SYNE1: variants seen among roughly 807,000 people sequenced by gnomAD.
The protein encoded by SYNE1 is spectrin repeat containing nuclear envelope protein 1, also known as nesprin-1.
In SYNE1, 616 loss-of-function variants were observed where a neutral mutation model predicts 1,111.0. That is an observed-to-expected ratio of 0.55 (90% confidence interval 0.52 to 0.59). SYNE1 has a LOEUF of 0.59. Among genes scored for constraint, SYNE1 ranks in the 20% least tolerant of loss-of-function variants. The pLI, the probability that SYNE1 is intolerant of heterozygous loss-of-function variation, is 0.00. For synonymous variants in SYNE1, 3,855 were observed against 3,825.8 expected (o/e 1.01, Z -0.28); for missense variants, 10,006 against 10,417.0 (o/e 0.96, Z 1.72).
At chr6:152,223,587 C>T (rs910554539) in intron 117 of SYNE1, among the ~76,000 whole-genome samples, 14 of 150,928 alleles carry the variant, frequency 9.3e-5, no homozygotes, top group African/African-American at 3.4e-4. Context: ...CACTGCACTC[C>T]AGTCTGGGCG....
chr6:152,227,506 T>A (rs2081869213), intron 115 of SYNE1, among the ~76,000 whole-genome samples: 2 of 152,316 alleles, frequency 1.3e-5, no homozygotes. Flanking sequence ...TTGTCACTAT[T>A]TTGACAGCTT....
intron 2 of SYNE1, among the ~76,000 whole-genome samples, chr6:152,629,208 A>AGTTTTT (rs1234248326): frequency 2.6e-5 from 4 of 151,586 alleles, no homozygotes; most frequent in Admixed American, 1.3e-4. Flanking sequence ...GCATTGGTTA[A>AGTTTTT]GTTTTTGTTT....
rs904459736 is a variant in SYNE1 at position 152,350,422 on chromosome 6, C to T, written c.11734-87G>A. ...TGTATTACAAAAACCCAGTGCAACT[C>T]ACAGGGTAGTTAGAGCTACTTAGAA... On this transcript the variant is annotated intron_variant, in intron 71 of 145. Transcript: ENST00000367255. The T allele has an allele frequency of 1.3e-5, 20 of 1,572,062 alleles. No individual in the cohort carries two copies. The Admixed American group carries it at 3.4e-4, about 26-fold the overall frequency.
At chr6:152,183,663 C>T (rs541641764) in intron 128 of SYNE1, among the ~76,000 whole-genome samples, 10 of 152,290 alleles carry the variant, frequency 6.6e-5, no homozygotes, top group Admixed American at 3.3e-4. Flanking sequence ...CCTTACACTG[C>T]CCCCGAATCT....
chr6:152,407,339 G>A, intron 44 of SYNE1, 143 bp from the exon 45 acceptor site: 1 of 798,184 alleles, frequency 1.3e-6, no homozygotes, highest in South Asian at 1.5e-5. Context: ...AATCTAATAA[G>A]TGCACCCAAC....
intron 14 of SYNE1, among the ~76,000 whole-genome samples, chr6:152,473,029 A>G (rs1424400606): frequency 2.0e-5 from 3 of 152,244 alleles, no homozygotes; most frequent in African/African-American, 7.2e-5. Context: ...TAGACTGTAT[A>G]GAACTCCACA....
chr6:152,391,675 G>A (rs2097642373), intron 51 of SYNE1, 107 bp from the exon 52 acceptor site: 1 of 1,300,138 alleles, frequency 7.7e-7, no homozygotes, highest in Non-Finnish European at 1.0e-6. Flanking sequence ...CCAGACACAG[G>A]CTCATAGCTG....
At chr6:152,565,020 C>T (rs1174456050) in intron 3 of SYNE1, among the ~76,000 whole-genome samples, 3 of 152,104 alleles carry the variant, frequency 2.0e-5, no homozygotes, top group Non-Finnish European at 4.4e-5. Flanking sequence ...TGTTTTTACT[C>T]TTATTGATTT....
intron 10 of SYNE1, 93 bp downstream of exon 10, chr6:152,502,540 A>T: frequency 4.2e-6 from 4 of 955,610 alleles, no homozygotes; most frequent in Non-Finnish European, 6.7e-6. Context: ...ATTAAAATGC[A>T]TTCAAATTTA....
At chr6:152,269,350 A>G in intron 98 of SYNE1, 64 bp from the exon 99 acceptor site, 4 of 1,611,420 alleles carry the variant, frequency 2.5e-6, no homozygotes, top group Non-Finnish European at 3.4e-6. Flanking sequence ...CAAAGGGGAG[A>G]GAAGGCTACT....
chr6:152,540,021 T>G lies in SYNE1; in HGVS notation c.68A>C (p.Asp23Ala). The change falls in exon 4 of 146, where the codon GAT (aspartate) becomes GCT (alanine). Residue 23 changes from aspartate to alanine, a missense_variant and splice_region_variant. By Grantham distance (126) the Asp-to-Ala change is moderately radical. Around this residue, in one of 7 missense-constraint regions of SYNE1, gnomAD observed 1,971 missense variants for 2,084.1 expected, o/e 0.95. Transcript: ENST00000367255. ...DIANVMQRLQ[D>A]EQEIVQKRTF... ...TCGTTTTTGTACTATCTCTTGCTCA[T>G]CTAGAAGGAAAAAGAAATCTGGTTA... 6.2e-7 allele frequency: 1 copy of G among 1,613,776 alleles called. No homozygotes were observed. Among genetic ancestry groups the G allele is most frequent in the Non-Finnish European group, 8.5e-7 (1 of 1,179,792 alleles).
intron 51 of SYNE1, among the ~76,000 whole-genome samples, chr6:152,391,999 G>GA (rs1263595208): frequency 2.0e-5 from 3 of 152,112 alleles, no homozygotes; most frequent in African/African-American, 7.2e-5. Context: ...CCTCCTTTAT[G>GA]AAAACCCTTC....
intron 8 of SYNE1, among the ~76,000 whole-genome samples, chr6:152,505,734 T>C (rs1564515972): frequency 6.6e-6 from 1 of 152,192 alleles, no homozygotes; most frequent in Non-Finnish European, 1.5e-5. Flanking sequence ...ATTTATTTTA[T>C]AAAGAAAAAT....
chr6:152,236,812 C>A lies in SYNE1; in HGVS notation c.20199+5G>T. 2.5e-6 allele frequency: 4 copies of A among 1,614,126 alleles called. No homozygotes were observed. Among genetic ancestry groups the A allele is most frequent in the Middle Eastern group, 1.6e-4 (1 of 6,062 alleles). On this transcript the variant is annotated splice_donor_5th_base_variant and intron_variant, in intron 109 of 145. Transcript: ENST00000367255. The stretch of plus-strand genomic sequence containing the variant: ...AAAGGCAATGTGGCGGCTTGTAACA[C>A]CAACCTGGTAGAGTGTTATGCGGTC...
intron 87 of SYNE1, among the ~76,000 whole-genome samples, chr6:152,312,338 T>G (rs188175165): frequency 1.1e-4 from 16 of 150,564 alleles, no homozygotes; most frequent in African/African-American, 3.4e-4. Context: ...GCTTCCCGAG[T>G]AGCTGGGATT....
intron 27 of SYNE1, 36 bp from the exon 28 acceptor site, chr6:152,449,677 A>T: frequency 7.0e-7 from 1 of 1,429,092 alleles, no homozygotes. Context: ...TTAAAGGGAG[A>T]ACATACCAGA....
At chr6:152,150,757 T>C (rs2060265853) in intron 135 of SYNE1, among the ~76,000 whole-genome samples, 1 of 152,192 alleles carries the variant, frequency 6.6e-6, no homozygotes, top group Non-Finnish European at 1.5e-5. Flanking sequence ...TTGAATTATA[T>C]AGTGAAAAAT....
intron 130 of SYNE1, among the ~76,000 whole-genome samples, chr6:152,165,546 C>T (rs767843070): frequency 6.6e-6 from 1 of 151,960 alleles, no homozygotes; most frequent in South Asian, 2.1e-4. Context: ...GGAACATTAC[C>T]TTTTATTGTT....
At chr6:152,230,982 A>G (rs1288713440) in intron 114 of SYNE1, among the ~76,000 whole-genome samples, 1 of 152,182 alleles carries the variant, frequency 6.6e-6, no homozygotes, top group Non-Finnish European at 1.5e-5. Flanking sequence ...ATAATGTTTT[A>G]AGAAAGTTTA....
Sources: allele counts gnomAD v4.1 joint callset (sites outside exome capture counted in the v4.1 genomes callset), GRCh38; gene constraint gnomAD v4.1.1; regional missense constraint gnomAD v4.1.1; transcripts MANE v1.5; gene names NCBI Gene and HGNC (gene_info 2026-07-23, HGNC 2026-07-21).